Variants in PXK observed in about 807,000 individuals in gnomAD.
PXK encodes the protein PX domain-containing protein kinase-like protein.
A neutral mutation model predicts 84.7 loss-of-function variants in PXK; 35 were observed. The ratio of observed to expected loss-of-function variants is 0.41; its 90% confidence interval spans 0.32 to 0.55. The LOEUF is 0.55. Among genes scored for constraint, PXK ranks in the 20% least tolerant of loss-of-function variants. PXK has a pLI of 0.21. For synonymous variants in PXK, 253 were observed against 260.8 expected (o/e 0.97, Z 0.29); for missense variants, 634 against 699.7 (o/e 0.91, Z 1.06).
chr3:58,349,381 A>G, intron 1 of PXK, among the ~76,000 whole-genome samples: 2 of 131,772 alleles, frequency 1.5e-5, no homozygotes, highest in Admixed American at 8.0e-5. Context: ...TTTGAGACGG[A>G]GTCTCACTCT....
chr3:58,422,261 C>T (rs2062005355), intron 17 of PXK: 1 of 985,430 alleles, frequency 1.0e-6, no homozygotes, highest in Non-Finnish European at 1.2e-6. Context: ...CTTCTGACCC[C>T]TAGACCTCCT....
chr3:58,359,098 A>G (rs2108287022), intron 1 of PXK, among the ~76,000 whole-genome samples: 1 of 152,350 alleles, frequency 6.6e-6, no homozygotes, highest in East Asian at 1.9e-4. Context: ...ATTGGCAGCA[A>G]CATCTTCATA....
At chr3:58,389,369 T>A (rs1351173764) in intron 4 of PXK, among the ~76,000 whole-genome samples, 1 of 152,092 alleles carries the variant, frequency 6.6e-6, no homozygotes, top group Non-Finnish European at 1.5e-5. Context: ...ATGTTTTGAG[T>A]TTTGGGCTTG....
At chr3:58,356,792 C>T (rs540087524) in intron 1 of PXK, among the ~76,000 whole-genome samples, 31 of 151,256 alleles carry the variant, frequency 2.0e-4, no homozygotes, top group African/African-American at 6.5e-4. Context: ...TTAGTAGAGA[C>T]GGGGTTTCAC....
chr3:58,340,954 G>A (rs945652109), intron 1 of PXK, among the ~76,000 whole-genome samples: 5 of 147,306 alleles, frequency 3.4e-5, no homozygotes, highest in African/African-American at 1.3e-4. Context: ...ATACCAGAGG[G>A]GGAGTAATAG....
At chr3:58,346,660 C>A (rs961111992) in intron 1 of PXK, among the ~76,000 whole-genome samples, 2 of 151,314 alleles carry the variant, frequency 1.3e-5, no homozygotes, top group African/African-American at 2.4e-5. Flanking sequence ...TTTCTTTTTT[C>A]TTTTCTTTTT....
chr3:58,418,589 T>C (rs1440967188), intron 17 of PXK, among the ~76,000 whole-genome samples: 1 of 143,794 alleles, frequency 7.0e-6, no homozygotes, highest in East Asian at 2.0e-4. Context: ...GCTATGACCT[T>C]GGACAAATAA....
At chr3:58,408,858 C>T (rs2059776519) in intron 13 of PXK, 66 bp from the exon 14 acceptor site, 1 of 1,242,646 alleles carries the variant, frequency 8.0e-7, no homozygotes, top group Non-Finnish European at 1.2e-6. Context: ...CCTTCATTTA[C>T]TCCAGGACTT....
intron 4 of PXK, among the ~76,000 whole-genome samples, chr3:58,389,728 A>G (rs1254140051): frequency 6.6e-6 from 1 of 151,770 alleles, no homozygotes; most frequent in Non-Finnish European, 1.5e-5. Context: ...GGGCAGGTGC[A>G]GTGGCTCATG....
chr3:58,346,055 C>T (rs979269358), intron 1 of PXK, among the ~76,000 whole-genome samples: 2 of 152,170 alleles, frequency 1.3e-5, no homozygotes, highest in Non-Finnish European at 2.9e-5. Context: ...GGCCTAGGCA[C>T]TTGGGGTACA....
chr3:58,348,041 A>T (rs1164761868), intron 1 of PXK, among the ~76,000 whole-genome samples: 1 of 152,040 alleles, frequency 6.6e-6, no homozygotes, highest in East Asian at 1.9e-4. Flanking sequence ...CCAAGTAGCT[A>T]GGACTACAGG....
rs1005677281 is a variant in PXK, at chr3:58,390,093, A to G, written c.389-489A>G. Among the ~76,000 whole-genome samples the G allele has an allele frequency of 6.6e-6, 1 of 151,210 alleles. No individual in the cohort carries two copies. The highest frequency in any genetic ancestry group is 1.9e-4 in the East Asian group (1 of 5,170). On this transcript the variant is annotated intron_variant, in intron 4 of 17. Coordinates refer to ENST00000356151, the MANE Select transcript of PXK (RefSeq NM_017771.5). This position sits in a 1 kb window ranked among gnomAD's most constrained non-coding sequence, Gnocchi z 4.2. ...TTCGGGAGGCTGAGGTGGGAGGATCACTTGAGCCCAGGAGGTTGAGTTTGC... is the reference window on the plus strand; with the variant it reads ...TTCGGGAGGCTGAGGTGGGAGGATCGCTTGAGCCCAGGAGGTTGAGTTTGC...
chr3:58,338,755 G>A (rs542371901), intron 1 of PXK, among the ~76,000 whole-genome samples: 41 of 149,594 alleles, frequency 2.7e-4, no homozygotes, highest in African/African-American at 9.6e-4. Context: ...GCGCGATCTC[G>A]GCTCACCGCA....
rs2098355017 is a variant in PXK at position 58,370,696 on chromosome 3, A to G, written c.201+1218A>G. ...CAGAAGGCCACGTTTTGTTGGTCAG[A>G]CTTCAGAAAATAAGCATTTGGGCCA... On this transcript the variant is annotated intron_variant, in intron 3 of 17. Transcript: ENST00000356151. This position sits in a 1 kb window ranked among gnomAD's most constrained non-coding sequence, Gnocchi z 4.2. Among the ~76,000 whole-genome samples, 1 of 152,120 alleles carries G rather than the reference A, an allele frequency of 6.6e-6. No individual in the cohort carries two copies. Among genetic ancestry groups the G allele is most frequent in the African/African-American group, 2.4e-5 (1 of 41,426 alleles).
At chr3:58,376,666 G>A (rs1479265090) in intron 3 of PXK, among the ~76,000 whole-genome samples, 1 of 151,972 alleles carries the variant, frequency 6.6e-6, no homozygotes, top group African/African-American at 2.4e-5. Context: ...TTGAGACAGA[G>A]TCTCACTCCA....
intron 1 of PXK, among the ~76,000 whole-genome samples, chr3:58,339,875 C>T (rs536136747): frequency 1.3e-5 from 2 of 151,226 alleles, no homozygotes; most frequent in South Asian, 2.1e-4. Flanking sequence ...AGTGCAATGG[C>T]GCGATCTCGG....
At chr3:58,382,437 T>C in intron 3 of PXK, 77 bp from the exon 4 acceptor site, 1 of 1,261,264 alleles carries the variant, frequency 7.9e-7, no homozygotes, top group Middle Eastern at 2.8e-4. Context: ...TTTAATGAAA[T>C]ATGATAGGTC....
chr3:58,347,156 A>G (rs895234987), intron 1 of PXK, among the ~76,000 whole-genome samples: 1 of 151,892 alleles, frequency 6.6e-6, no homozygotes, highest in Non-Finnish European at 1.5e-5. Context: ...CATTTTTTAT[A>G]AAGACGAGGT....
chr3:58,336,051 ATATATATATATATATATATATTTTTT>A lies in PXK; in HGVS notation c.102+2963_102+2988del, dbSNP rs1437056758. 1.7e-3 allele frequency among the ~76,000 whole-genome samples: 88 copies of A among 52,064 alleles called. 1 individual carries two copies. The Middle Eastern group carries it at 0.02, about 12-fold the overall frequency. The allele number at this position is 52,064 out of a possible 152,430, so 34.2% of individuals were successfully genotyped here. On this transcript the variant is annotated intron_variant, in intron 1 of 17. Coordinates refer to ENST00000356151, the MANE Select transcript of PXK (RefSeq NM_017771.5). ...AACCTTGGGAAACATATATATATAT[ATATATATATATATATATATATTTTTT>A]TTTTTTTTTTTTAATACCAATGGGG...
Sources: allele counts gnomAD v4.1 joint callset (sites outside exome capture counted in the v4.1 genomes callset), GRCh38; gene constraint gnomAD v4.1.1; non-coding constraint Gnocchi (gnomAD v3.1); transcripts MANE v1.5; gene names NCBI Gene and HGNC (gene_info 2026-07-23, HGNC 2026-07-21).